POU6F2: variants seen among roughly 807,000 people sequenced by gnomAD.
POU6F2 encodes the protein POU class 6 homeobox 2.
In POU6F2, 31 loss-of-function variants were observed where a neutral mutation model predicts 71.3. That is an observed-to-expected ratio of 0.43 (90% CI 0.33 to 0.59). The LOEUF (loss-of-function observed/expected upper bound fraction) is 0.59. Ranked by LOEUF, POU6F2 falls within the 20% of genes least tolerant of loss-of-function variation. POU6F2 has a pLI of 0.04. For synonymous variants in POU6F2, 347 were observed against 355.7 expected (o/e 0.98, Z 0.27); for missense variants, 783 against 856.8 (o/e 0.91, Z 1.07).
chr7:39,333,186 C>T (rs1785693480), intron 4 of POU6F2, among the ~76,000 whole-genome samples: 1 of 152,138 alleles, frequency 6.6e-6, no homozygotes, highest in Non-Finnish European at 1.5e-5. Context: ...TACTTTACAT[C>T]CTTCGCTTTT....
intron 1 of POU6F2, among the ~76,000 whole-genome samples, chr7:39,014,499 G>A (rs1325626245): frequency 6.6e-6 from 1 of 152,184 alleles, no homozygotes; most frequent in Admixed American, 6.5e-5. Flanking sequence ...TACGCCTTGG[G>A]TAATACAAAG....
chr7:39,124,903 TTGTA>T (rs1343046178), intron 2 of POU6F2, among the ~76,000 whole-genome samples: 2 of 152,180 alleles, frequency 1.3e-5, no homozygotes, highest in South Asian at 2.1e-4. Context: ...TATATTTTCT[TTGTA>T]TGTGCGTTTG....
intron 1 of POU6F2, among the ~76,000 whole-genome samples, chr7:39,001,756 T>C (rs1788917927): frequency 2.0e-5 from 3 of 152,090 alleles, no homozygotes; most frequent in South Asian, 2.1e-4. Context: ...ATGTTGGTGA[T>C]GGTGGTTATG....
chr7:39,446,871 A>C (rs1166374931), intron 7 of POU6F2, among the ~76,000 whole-genome samples: 1 of 152,232 alleles, frequency 6.6e-6, no homozygotes, highest in Non-Finnish European at 1.5e-5. Context: ...CTCACAGCTC[A>C]AAAAAGGGCA....
At chr7:39,255,749 T>C (rs1251520555) in intron 4 of POU6F2, among the ~76,000 whole-genome samples, 2 of 152,226 alleles carry the variant, frequency 1.3e-5, no homozygotes, top group African/African-American at 4.8e-5. Flanking sequence ...GCAGTGTGTC[T>C]GAAGCTGAGG....
At chr7:39,194,544 AAGTGGACCAATCAGCG>A (rs1793740277) in intron 2 of POU6F2, among the ~76,000 whole-genome samples, 1 of 5,364 alleles carries the variant, frequency 1.9e-4, no homozygotes, top group Admixed American at 4.7e-3. Context: ...GCACTCTGTA[AAGTGGACCAATCAGCG>A]CTCTGTAAAG....
chr7:39,006,471 T>TA (rs781419603), intron 1 of POU6F2, among the ~76,000 whole-genome samples: 5 of 150,028 alleles, frequency 3.3e-5, no homozygotes, highest in Admixed American at 6.6e-5. Context: ...CTCAAAAAAA[T>TA]AAAAAAAAAT....
chr7:39,357,402 G>A (rs1786283142), intron 5 of POU6F2, among the ~76,000 whole-genome samples: 1 of 152,184 alleles, frequency 6.6e-6, no homozygotes, highest in Non-Finnish European at 1.5e-5. Flanking sequence ...AGGAAACTAG[G>A]GTTCAGAGGA....
chr7:39,004,034 A>G (rs1349270428), intron 1 of POU6F2, among the ~76,000 whole-genome samples: 1 of 152,186 alleles, frequency 6.6e-6, no homozygotes, highest in Non-Finnish European at 1.5e-5. Flanking sequence ...TTAAAATGAG[A>G]TATACATATA....
At chr7:39,114,382 G>T (rs528034261) in intron 2 of POU6F2, among the ~76,000 whole-genome samples, 1 of 150,730 alleles carries the variant, frequency 6.6e-6, no homozygotes, top group Admixed American at 6.6e-5. Context: ...ACCCTTCATG[G>T]GTCAATGCAT....
chr7:39,386,117 CAAAA>C (rs531818996), intron 5 of POU6F2, among the ~76,000 whole-genome samples: 3 of 91,290 alleles, frequency 3.3e-5, no homozygotes, highest in Admixed American at 1.2e-4. Flanking sequence ...GACTCCGTCT[CAAAA>C]AAAAAAAAAA....
intron 5 of POU6F2, among the ~76,000 whole-genome samples, chr7:39,364,395 G>T (rs1417421976): frequency 6.6e-6 from 1 of 151,838 alleles, no homozygotes; most frequent in Non-Finnish European, 1.5e-5. Flanking sequence ...CCCAATTTGT[G>T]GTCTTTTATC....
chr7:39,018,127 C>T (rs1789602995), intron 1 of POU6F2, among the ~76,000 whole-genome samples: 1 of 152,088 alleles, frequency 6.6e-6, no homozygotes, highest in Non-Finnish European at 1.5e-5. Context: ...TTGCAAATGA[C>T]AGAAAGCCAG....
rs528588674 is a variant in POU6F2, at chr7:39,320,316, GC to G, written c.599-19323del. Among the ~76,000 whole-genome samples, 18 of 152,292 alleles carry G rather than the reference GC, an allele frequency of 1.2e-4. No individual in the cohort carries two copies. In the South Asian group the frequency reaches 3.5e-3, roughly 30 times the overall value. ...AGGGCCATATGTTTCAGGGACAGAT[GC>G]CCTTCACCCGGACCTGTAGCCTGGT... On this transcript the variant is annotated intron_variant, in intron 4 of 9. Transcript: ENST00000518318.
intron 1 of POU6F2, among the ~76,000 whole-genome samples, chr7:39,030,058 A>G (rs1789902623): frequency 6.6e-6 from 1 of 151,970 alleles, no homozygotes; most frequent in East Asian, 1.9e-4. Context: ...TAGGGGAAGT[A>G]TTTCTTCTTT....
intron 4 of POU6F2, among the ~76,000 whole-genome samples, chr7:39,295,163 T>C (rs1236360161): frequency 6.6e-6 from 1 of 152,016 alleles, no homozygotes; most frequent in African/African-American, 2.4e-5. Flanking sequence ...TTTTTTTTTT[T>C]CAAAATATTT....
chr7:39,380,943 CTCAAAGTCCTTAGATTA>C (rs1327533179), intron 5 of POU6F2, among the ~76,000 whole-genome samples: 1 of 152,188 alleles, frequency 6.6e-6, no homozygotes, highest in African/African-American at 2.4e-5. Flanking sequence ...GACAGGTGGA[CTCAAAGTCCTTAGATTA>C]TCTCATCCCC....
intron 4 of POU6F2, among the ~76,000 whole-genome samples, chr7:39,290,968 C>T (rs865786501): frequency 6.0e-5 from 9 of 149,520 alleles, no homozygotes; most frequent in African/African-American, 2.0e-4. Context: ...TTTATCAAGC[C>T]CCTTTGGTCC....
At chr7:39,220,440 G>C (rs1794326207) in intron 4 of POU6F2, among the ~76,000 whole-genome samples, 1 of 151,984 alleles carries the variant, frequency 6.6e-6, no homozygotes, top group Admixed American at 6.6e-5. Context: ...ACAAGAGATG[G>C]GGGAAAAAGA....
Sources: allele counts gnomAD v4.1 joint callset (sites outside exome capture counted in the v4.1 genomes callset), GRCh38; gene constraint gnomAD v4.1.1; transcripts MANE v1.5; gene names NCBI Gene and HGNC (gene_info 2026-07-23, HGNC 2026-07-21).